Variants in PIGBOS1 observed in about 807,000 individuals in gnomAD.
The protein encoded by PIGBOS1 is protein PIGBOS1.
chr15:55,318,894 C>T lies in PIGBOS1; in HGVS notation c.-106G>A. The T allele has an allele frequency of 4.6e-6, 1 of 217,434 alleles. No individual in the cohort carries two copies. The highest frequency in any genetic ancestry group is 9.3e-6 in the Non-Finnish European group (1 of 107,844). 13.5% of individuals were successfully genotyped at this position (217,434 alleles called of 1,614,324 possible). A position where few individuals can be genotyped will look rare whatever the true frequency, so the allele number is the denominator to read the frequency against. On this transcript the variant is annotated 5_prime_UTR_variant, in exon 1 of 2. Coordinates refer to ENST00000436697, the MANE Select transcript of PIGBOS1 (RefSeq NM_001308421.2). ...ATGTTAACACCAACACTGACGTCTACAATTACCGTTACCGTTTTTAATAAC... is the reference window on the plus strand; with the variant it reads ...ATGTTAACACCAACACTGACGTCTATAATTACCGTTACCGTTTTTAATAAC...
chr15:55,317,894 CATCA>C (rs1315676239), intron 1 of PIGBOS1, 27 bp from the exon 2 acceptor site: 5 of 390,174 alleles, frequency 1.3e-5, no homozygotes, highest in African/African-American at 8.3e-5. Context: ...AAAGCAAAGC[CATCA>C]CTTAGTACAA....
At chr15:55,318,195 T>C (rs1403702011) in intron 1 of PIGBOS1, among the ~76,000 whole-genome samples, 3 of 150,932 alleles carry the variant, frequency 2.0e-5, no homozygotes, top group Admixed American at 2.0e-4. Flanking sequence ...CCTCCTCGGT[T>C]AACGCCATTC....
chr15:55,319,100 G>A lies in PIGBOS1; in HGVS notation c.-312C>T, dbSNP rs1051163479. On this transcript the variant is annotated 5_prime_UTR_variant, in exon 1 of 2. Coordinates refer to ENST00000436697, the MANE Select transcript of PIGBOS1 (RefSeq NM_001308421.2). ...AACGGCGAAAGGAAACCGCAAGGAGGCCACCACGTCGGGTGGGAGCTACGA... is the reference window on the plus strand; with the variant it reads ...AACGGCGAAAGGAAACCGCAAGGAGACCACCACGTCGGGTGGGAGCTACGA... The A allele has an allele frequency of 1.5e-5, 13 of 895,854 alleles. No homozygotes were observed. Among genetic ancestry groups the A allele is most frequent in the East Asian group, 2.9e-5 (1 of 34,290 alleles). 55.5% of individuals were successfully genotyped at this position (895,854 alleles called of 1,614,324 possible).
In PIGBOS1 at chr15:55,317,606, C is replaced by A. The variant is rs1475219582; in HGVS notation, c.*22G>T. The A allele has an allele frequency of 1.5e-5, 6 of 396,780 alleles. No homozygotes were observed. Among genetic ancestry groups the A allele is most frequent in the African/African-American group, 1.0e-4 (5 of 48,602 alleles). The allele number at this position is 396,780 out of a possible 1,614,324, so 24.6% of individuals were successfully genotyped here. A position where few individuals can be genotyped will look rare whatever the true frequency, so the allele number is the denominator to read the frequency against. On this transcript the variant is annotated 3_prime_UTR_variant, in exon 2 of 2. Transcript: ENST00000436697. The stretch of plus-strand genomic sequence containing the variant: ...GGGATTACAGGCGTGAGCCACTGCG[C>A]CAGGCCTAACTCCATGTAGTATTAA...
At chr15:55,317,940 T>G in intron 1 of PIGBOS1, 73 bp from the exon 2 acceptor site, 1 of 381,970 alleles carries the variant, frequency 2.6e-6, no homozygotes, top group East Asian at 3.7e-5. Flanking sequence ...GTCACTACTT[T>G]GCACTGGAGT....
intron 1 of PIGBOS1, among the ~76,000 whole-genome samples, chr15:55,318,098 C>CTTTT (rs200901102): frequency 7.6e-6 from 1 of 131,424 alleles, no homozygotes; most frequent in African/African-American, 3.0e-5. Context: ...CATACTTTTT[C>CTTTT]TTTTTTTTTT....
Position 55,317,464 on chromosome 15 carries a change from G to T in PIGBOS1, c.*164C>A, listed in dbSNP as rs911237248. ...CAAGTAGCTGGGATTACAGGCGCAT[G>T]CCACCAAGCCTGGCTGATTTTTGTA... On this transcript the variant is annotated 3_prime_UTR_variant, in exon 2 of 2. Transcript: ENST00000436697. The T allele has an allele frequency of 3.5e-6, 1 of 284,362 alleles. No individual in the cohort carries two copies. Among genetic ancestry groups the T allele is most frequent in the African/African-American group, 2.2e-5 (1 of 45,706 alleles). 17.6% of individuals were successfully genotyped at this position (284,362 alleles called of 1,614,324 possible).
Position 55,319,015 on chromosome 15 carries a change from T to C in PIGBOS1, c.-227A>G. On this transcript the variant is annotated 5_prime_UTR_variant, in exon 1 of 2. Transcript: ENST00000436697. Reference sequence around the variant, plus strand: ...GAGACCGGGGGCCTTCCAGCAGTTTTCGGACCCCCGAGCACAGAGACCGCC... The same window carrying C: ...GAGACCGGGGGCCTTCCAGCAGTTTCCGGACCCCCGAGCACAGAGACCGCC... 1 of 497,072 alleles carries C rather than the reference T, an allele frequency of 2.0e-6. No individual in the cohort carries two copies. The highest frequency in any genetic ancestry group is 3.5e-6 in the Non-Finnish European group (1 of 281,714). The allele number at this position is 497,072 out of a possible 1,614,324, so 30.8% of individuals were successfully genotyped here.
chr15:55,318,878 C>T lies in PIGBOS1; in HGVS notation c.-90G>A, dbSNP rs139289683. The stretch of plus-strand genomic sequence containing the variant: ...GAGCAACGAACCTGAAATGTTAACA[C>T]CAACACTGACGTCTACAATTACCGT... On this transcript the variant is annotated 5_prime_UTR_variant, in exon 1 of 2. It adds an upstream start codon to the 5' untranslated region. Coordinates refer to ENST00000436697, the MANE Select transcript of PIGBOS1 (RefSeq NM_001308421.2). 2.6e-3 allele frequency: 500 copies of T among 189,650 alleles called. 3 individuals carry two copies. The highest frequency in any genetic ancestry group is 0.011 in the African/African-American group (475 of 42,676). The allele number at this position is 189,650 out of a possible 1,614,324, so 11.7% of individuals were successfully genotyped here.
chr15:55,318,000 A>G (rs950289910), intron 1 of PIGBOS1, 133 bp from the exon 2 acceptor site: 1 of 330,698 alleles, frequency 3.0e-6, no homozygotes, highest in African/African-American at 2.1e-5. Context: ...ATATAAATAC[A>G]TAAGGAGTAC....
At chr15:55,318,300 T>C (rs2055076812) in intron 1 of PIGBOS1, among the ~76,000 whole-genome samples, 1 of 150,894 alleles carries the variant, frequency 6.6e-6, no homozygotes, top group Admixed American at 6.6e-5. Flanking sequence ...GGTTTCACCG[T>C]GTTAGCCAGG....
Position 55,319,022 on chromosome 15 carries a change from C to A in PIGBOS1, c.-234G>T. 1.9e-6 allele frequency: 1 copy of A among 529,074 alleles called. No individual in the cohort carries two copies. The highest frequency in any genetic ancestry group is 3.3e-6 in the Non-Finnish European group (1 of 303,030). The allele number at this position is 529,074 out of a possible 1,614,324, so 32.8% of individuals were successfully genotyped here. The stretch of plus-strand genomic sequence containing the variant: ...GGGGCCTTCCAGCAGTTTTCGGACC[C>A]CCGAGCACAGAGACCGCCAAGCCAA... On this transcript the variant is annotated 5_prime_UTR_variant, in exon 1 of 2. Coordinates refer to ENST00000436697, the MANE Select transcript of PIGBOS1 (RefSeq NM_001308421.2).
chr15:55,317,542 T>C lies in PIGBOS1; in HGVS notation c.*86A>G. ...GTTGGTCAGGCTGGTCTTGAACTCC[T>C]GACCACCTGATCCACCCGCCTCGGC... On this transcript the variant is annotated 3_prime_UTR_variant, in exon 2 of 2. Transcript: ENST00000436697. 5.5e-6 allele frequency: 2 copies of C among 363,382 alleles called. No homozygotes were observed. Among genetic ancestry groups the C allele is most frequent in the Non-Finnish European group, 9.8e-6 (2 of 203,458 alleles). The allele number at this position is 363,382 out of a possible 1,614,324, so 22.5% of individuals were successfully genotyped here.
rs1054713535 is a variant in PIGBOS1, at chr15:55,319,116, G to T, written c.-328C>A. 1 of 1,058,516 alleles carries T rather than the reference G, an allele frequency of 9.4e-7. No homozygotes were observed. The highest frequency in any genetic ancestry group is 1.6e-5 in the African/African-American group (1 of 61,074). The allele number at this position is 1,058,516 out of a possible 1,614,324, so 65.6% of individuals were successfully genotyped here. A position where few individuals can be genotyped will look rare whatever the true frequency, so the allele number is the denominator to read the frequency against. ...CGCAAGGAGGCCACCACGTCGGGTG[G>T]GAGCTACGAAGTTGCCCGTTCCCGG... On this transcript the variant is annotated 5_prime_UTR_variant, in exon 1 of 2. Coordinates refer to ENST00000436697, the MANE Select transcript of PIGBOS1 (RefSeq NM_001308421.2).
At chr15:55,318,487 G>C (rs1190089082) in intron 1 of PIGBOS1, among the ~76,000 whole-genome samples, 2 of 150,002 alleles carry the variant, frequency 1.3e-5, no homozygotes, top group East Asian at 4.1e-4. Flanking sequence ...GGCGGATCAC[G>C]AGGTCAGGAG....
chr15:55,318,734 A>AC (rs78798314), intron 1 of PIGBOS1, 130 bp downstream of exon 1: 6 of 151,296 alleles, frequency 4.0e-5, no homozygotes, highest in East Asian at 2.0e-4. Context: ...ACAAAAAAAA[A>AC]ACCTAACAAC....
chr15:55,318,098 C>CTT (rs200901102), intron 1 of PIGBOS1, among the ~76,000 whole-genome samples: 10 of 131,418 alleles, frequency 7.6e-5, no homozygotes, highest in Non-Finnish European at 1.4e-4. Context: ...CATACTTTTT[C>CTT]TTTTTTTTTT....
chr15:55,318,712 AC>A (rs1393724621), intron 1 of PIGBOS1, among the ~76,000 whole-genome samples, 151 bp downstream of exon 1: 2 of 105,582 alleles, frequency 1.9e-5, no homozygotes, highest in East Asian at 4.6e-4. Flanking sequence ...AAAAAAAAAA[AC>A]AAAAACAAAA....
At chr15:55,318,136 C>G (rs1372230186) in intron 1 of PIGBOS1, among the ~76,000 whole-genome samples, 2 of 145,078 alleles carry the variant, frequency 1.4e-5, no homozygotes, top group East Asian at 4.1e-4. Context: ...CTCGCTCTGT[C>G]GCCCAGGCTG....
Sources: allele counts gnomAD v4.1 joint callset (sites outside exome capture counted in the v4.1 genomes callset), GRCh38; gene constraint gnomAD v4.1.1; transcripts MANE v1.5; gene names NCBI Gene and HGNC (gene_info 2026-07-23, HGNC 2026-07-21).